Variants in PTPRD observed in about 807,000 individuals in gnomAD.
The protein encoded by PTPRD is receptor-type tyrosine-protein phosphatase delta.
Under a neutral mutation model 214.5 loss-of-function variants are expected in PTPRD, and 34 were observed. The observed-to-expected ratio is 0.16, with a 90% CI of 0.12 to 0.21. The LOEUF (loss-of-function observed/expected upper bound fraction) is 0.21. PTPRD is among the 10% of genes least tolerant of loss of function. PTPRD has a pLI of 1.00. For missense variants in PTPRD, 2,545 were observed against 2,398.7 expected (o/e 1.06, Z -1.27); for synonymous variants, 1,128 against 845.7 (o/e 1.33, Z -5.79).
chr9:9,596,128 G>A (rs566165107), intron 7 of PTPRD, among the ~76,000 whole-genome samples: 1 of 151,812 alleles, frequency 6.6e-6, no homozygotes, highest in South Asian at 2.1e-4. Context: ...AATACCCATG[G>A]ATACACTATT....
chr9:9,053,539 G>C (rs2099690510), intron 10 of PTPRD, among the ~76,000 whole-genome samples: 1 of 152,028 alleles, frequency 6.6e-6, no homozygotes, highest in Non-Finnish European at 1.5e-5. Context: ...TACAAAATTA[G>C]CTTAGGAAGG....
At chr9:9,324,319 A>T (rs926397522) in intron 9 of PTPRD, among the ~76,000 whole-genome samples, 9 of 152,218 alleles carry the variant, frequency 5.9e-5, no homozygotes, top group Admixed American at 2.0e-4. Context: ...GTGTAAAAGC[A>T]TTCCTGTTTC....
chr9:9,507,108 T>C (rs536635403), intron 8 of PTPRD, among the ~76,000 whole-genome samples: 3 of 151,410 alleles, frequency 2.0e-5, no homozygotes, highest in African/African-American at 7.2e-5. Flanking sequence ...TTCTAGGAAA[T>C]AATAAAAGAT....
intron 3 of PTPRD, among the ~76,000 whole-genome samples, chr9:10,043,124 T>A (rs1370592593): frequency 2.0e-5 from 3 of 151,964 alleles, no homozygotes; most frequent in African/African-American, 7.2e-5. Flanking sequence ...AATAAAGCTC[T>A]AAAGACACAA....
chr9:10,556,932 G>A (rs1034776952), intron 2 of PTPRD, among the ~76,000 whole-genome samples: 10 of 151,934 alleles, frequency 6.6e-5, no homozygotes, highest in Admixed American at 5.3e-4. Flanking sequence ...CAAAGAAAAC[G>A]GGTAAGTACA....
At chr9:8,767,561 G>A (rs1718045540) in intron 11 of PTPRD, among the ~76,000 whole-genome samples, 1 of 152,108 alleles carries the variant, frequency 6.6e-6, no homozygotes, top group Admixed American at 6.6e-5. Context: ...CTATCAGTGA[G>A]GGTGCACCAT....
chr9:10,471,559 T>C (rs1472326397), intron 2 of PTPRD, among the ~76,000 whole-genome samples: 1 of 152,102 alleles, frequency 6.6e-6, no homozygotes, highest in East Asian at 1.9e-4. Flanking sequence ...CAAATCTCAG[T>C]TTCCAAATCT....
At chr9:9,718,337 G>A (rs1254246262) in intron 7 of PTPRD, among the ~76,000 whole-genome samples, 1 of 152,158 alleles carries the variant, frequency 6.6e-6, no homozygotes, top group East Asian at 1.9e-4. Context: ...AATAAACACT[G>A]ACGGCTGCAG....
Position 8,450,377 on chromosome 9 carries a change from C to T in PTPRD, c.3876-540G>A, listed in dbSNP as rs2095889062. ...TGCATTTTTAAGATGCCAAGTTATC[C>T]TAATGCCTAGGATAATCGGGACCAG... On this transcript the variant is annotated intron_variant, in intron 33 of 45. Transcript: ENST00000381196. Among the ~76,000 whole-genome samples, 3 of 152,078 alleles carry T rather than the reference C, an allele frequency of 2.0e-5. No homozygotes were observed. In the South Asian group the frequency reaches 6.2e-4, roughly 32 times the overall value.
chr9:9,469,732 T>C (rs192274324), intron 8 of PTPRD, among the ~76,000 whole-genome samples: 6 of 152,286 alleles, frequency 3.9e-5, no homozygotes, highest in Admixed American at 3.9e-4. Flanking sequence ...GTTTTTAAAA[T>C]GCCTGAATCT....
chr9:10,267,190 CAAAAA>C (rs530164049), intron 3 of PTPRD, among the ~76,000 whole-genome samples: 2 of 76,034 alleles, frequency 2.6e-5, no homozygotes, highest in South Asian at 4.6e-4. Flanking sequence ...GACTCCGTCT[CAAAAA>C]AAAAAAAAAA....
chr9:9,968,555 G>C lies in PTPRD; in HGVS notation c.-471-29945C>G, dbSNP rs149704358. On this transcript the variant is annotated intron_variant, in intron 4 of 45. Transcript: ENST00000381196. ...TGGTCCAGAGAATGCTGTACTTTGG[G>C]AGAGAAGCAGAGAGCACCAAAAAGA... Among the ~76,000 whole-genome samples the C allele has an allele frequency of 9.9e-5, 15 of 152,238 alleles. No homozygotes were observed. In the East Asian group the frequency reaches 2.3e-3, roughly 24 times the overall value.
intron 3 of PTPRD, among the ~76,000 whole-genome samples, chr9:10,217,129 C>A (rs1032662613): frequency 2.0e-5 from 3 of 151,886 alleles, no homozygotes; most frequent in African/African-American, 7.3e-5. Context: ...TTGAAACTAG[C>A]TTCCCACTAG....
At position 8,501,048 on chromosome 9, in the gene PTPRD, G is replaced by A. The variant is rs780938377; in HGVS notation, c.1834C>T (p.Pro612Ser). The change falls in exon 24 of 46, where the codon CCT becomes TCT. Residue 612 changes from proline to serine, a missense_variant. Pro to Ser is a moderately conservative substitution (Grantham distance 74, BLOSUM62 -1). Coordinates refer to ENST00000381196, the MANE Select transcript of PTPRD (RefSeq NM_002839.4). ...ARTMQSKPSA[P>S]PQDISCTSPS... is the part of the protein sequence containing the mutation. ...CTGGTGCAACTAATGTCTTGAGGAGGAGCTGACGGCTCTTATTTTGGTAGT... is the reference window on the plus strand; with the variant it reads ...CTGGTGCAACTAATGTCTTGAGGAGAAGCTGACGGCTCTTATTTTGGTAGT... 3 of 1,611,828 alleles carry A rather than the reference G, an allele frequency of 1.9e-6. No individual in the cohort carries two copies. The highest frequency in any genetic ancestry group is 2.5e-6 in the Non-Finnish European group (3 of 1,178,324).
intron 8 of PTPRD, among the ~76,000 whole-genome samples, chr9:9,555,165 T>A (rs1027971668): frequency 2.0e-5 from 3 of 152,122 alleles, no homozygotes; most frequent in Admixed American, 6.6e-5. Context: ...GTATGTATTA[T>A]GAATATGTTC....
At chr9:9,085,539 C>T (rs2099765827) in intron 10 of PTPRD, among the ~76,000 whole-genome samples, 1 of 151,972 alleles carries the variant, frequency 6.6e-6, no homozygotes, top group African/African-American at 2.4e-5. Context: ...AGTTTAGAAA[C>T]TCAGGGCTTT....
chr9:8,913,644 C>G (rs899083445), intron 11 of PTPRD, among the ~76,000 whole-genome samples: 11 of 152,092 alleles, frequency 7.2e-5, no homozygotes, highest in African/African-American at 2.6e-4. Flanking sequence ...CAAGAATGAG[C>G]TTCTTATTAA....
At chr9:8,872,659 T>C (rs961694911) in intron 11 of PTPRD, among the ~76,000 whole-genome samples, 1 of 152,260 alleles carries the variant, frequency 6.6e-6, no homozygotes, top group African/African-American at 2.4e-5. Context: ...ATCTGGTTGA[T>C]GTAAAGTCTG....
chr9:8,328,862 G>C (rs1407360573), intron 44 of PTPRD, among the ~76,000 whole-genome samples: 1 of 151,958 alleles, frequency 6.6e-6, no homozygotes, highest in Non-Finnish European at 1.5e-5. Flanking sequence ...CTTGTGCTGT[G>C]TTTTTCAGCT....
Sources: allele counts gnomAD v4.1 joint callset (sites outside exome capture counted in the v4.1 genomes callset), GRCh38; gene constraint gnomAD v4.1.1; transcripts MANE v1.5; gene names NCBI Gene and HGNC (gene_info 2026-07-23, HGNC 2026-07-21).